Variants in SLC36A4 observed in about 807,000 individuals in gnomAD.
SLC36A4 encodes the protein solute carrier family 36 member 4, also known as neutral amino acid uniporter 4.
A neutral mutation model predicts 50.5 loss-of-function variants in SLC36A4; 49 were observed. The observed-to-expected ratio is 0.97, with a 90% CI of 0.77 to 1.23. The LOEUF (loss-of-function observed/expected upper bound fraction) is 1.23, where lower values mean the gene tolerates loss of function less well. Among genes scored for constraint, SLC36A4 ranks in the 50% most tolerant of loss-of-function variants. The pLI, the probability that SLC36A4 is intolerant of heterozygous loss-of-function variation, is 0.00. For missense variants in SLC36A4, 611 were observed against 608.4 expected, an observed-to-expected ratio of 1.00 and a Z score of -0.05; for synonymous variants, 207 against 206.5, an observed-to-expected ratio of 1.00 and a Z score of -0.02.
At chr11:93,153,888 T>A (rs1343920041) in intron 10 of SLC36A4, 1 of 255,480 alleles carries the variant, frequency 3.9e-6, no homozygotes, top group Non-Finnish European at 7.3e-6. Flanking sequence ...TCATTAGTTA[T>A]TTTAAGTGTG....
intron 4 of SLC36A4, chr11:93,182,348 T>C: frequency 2.4e-6 from 1 of 420,668 alleles, no homozygotes; most frequent in Non-Finnish European, 3.2e-6. Flanking sequence ...GATATTAGGC[T>C]ACTAGAATAC....
chr11:93,166,874 T>C (rs1860892997), intron 7 of SLC36A4: 1 of 152,198 alleles, frequency 6.6e-6, no homozygotes, highest in Non-Finnish European at 1.5e-5. Context: ...TGGTGATACA[T>C]GTCTAAAACC....
rs1861442527 is a variant in SLC36A4 at position 93,175,904 on chromosome 11, C to T, written c.540+4893G>A. On this transcript the variant is annotated intron_variant, in intron 6 of 10. Coordinates refer to ENST00000326402, the MANE Select transcript of SLC36A4 (RefSeq NM_152313.4). Reference sequence around the variant, plus strand: ...ATTTTGGAATAGGTGTGGTGTGGTGCTGAAAAAAATGTATATTCTGTTGAT... The same window carrying T: ...ATTTTGGAATAGGTGTGGTGTGGTGTTGAAAAAAATGTATATTCTGTTGAT... Among the ~76,000 whole-genome samples, 10 of 113,740 alleles carry T rather than the reference C, an allele frequency of 8.8e-5. No homozygotes were observed. The South Asian group carries it at 4.2e-3, about 47-fold the overall frequency. 74.6% of individuals were successfully genotyped at this position (113,740 alleles called of 152,430 possible).
At chr11:93,189,766 C>T (rs1222731467) in intron 1 of SLC36A4, among the ~76,000 whole-genome samples, 1 of 152,142 alleles carries the variant, frequency 6.6e-6, no homozygotes, top group Non-Finnish European at 1.5e-5. Context: ...CCCAAGAGAT[C>T]ACAGCAGTAA....
rs936031173 is a variant in SLC36A4 at position 93,144,491 on chromosome 11, T to G, written c.*4046A>C. On this transcript the variant is annotated 3_prime_UTR_variant, in exon 11 of 11. Coordinates refer to ENST00000326402, the MANE Select transcript of SLC36A4 (RefSeq NM_152313.4). ...TTAGTATCTAGTTCACATAGATTAC[T>G]GATTTGTGTGTGTGTCTGCATATAC... 2 of 152,078 alleles carry G rather than the reference T, an allele frequency of 1.3e-5. No homozygotes were observed. Among genetic ancestry groups the G allele is most frequent in the African/African-American group, 4.8e-5 (2 of 41,442 alleles). 9.4% of individuals were successfully genotyped at this position (152,078 alleles called of 1,614,324 possible). A position where few individuals can be genotyped will look rare whatever the true frequency, so the allele number is the denominator to read the frequency against.
At position 93,147,065 on chromosome 11, in the gene SLC36A4, AC is replaced by A. The variant is rs1859864492; in HGVS notation, c.*1471del. Reference sequence around the variant, plus strand: ...CAGTCATAGCTTACCACAGCCTGAAACTTTTGTGCTCGAGGGATCCTCCTGC... The same window carrying A: ...CAGTCATAGCTTACCACAGCCTGAAATTTTGTGCTCGAGGGATCCTCCTGC... On this transcript the variant is annotated 3_prime_UTR_variant, in exon 11 of 11. Transcript: ENST00000326402. 2.0e-5 allele frequency: 3 copies of A among 152,180 alleles called. No individual in the cohort carries two copies. Among genetic ancestry groups the A allele is most frequent in the South Asian group, 4.1e-4 (2 of 4,822 alleles). 9.4% of individuals were successfully genotyped at this position (152,180 alleles called of 1,614,324 possible).
chr11:93,170,448 A>T (rs1861079610), intron 6 of SLC36A4, among the ~76,000 whole-genome samples: 1 of 152,046 alleles, frequency 6.6e-6, no homozygotes, highest in Non-Finnish European at 1.5e-5. Flanking sequence ...ACCTTTTGTC[A>T]GCTGAGCCTC....
intron 10 of SLC36A4, 72 bp from the exon 11 acceptor site, chr11:93,148,916 TTTTCAATAC>T: frequency 3.9e-6 from 5 of 1,274,900 alleles, no homozygotes; most frequent in Non-Finnish European, 5.5e-6. Context: ...ACAGTAAGTA[TTTTCAATAC>T]TGAAAGTAAT....
intron 1 of SLC36A4, among the ~76,000 whole-genome samples, chr11:93,194,047 C>T (rs562742598): frequency 6.6e-6 from 1 of 151,944 alleles, no homozygotes; most frequent in Non-Finnish European, 1.5e-5. Flanking sequence ...AAAAGTGTAT[C>T]ATATGCTAAG....
chr11:93,197,655 C>CAG, intron 1 of SLC36A4, 123 bp downstream of exon 1: 1 of 1,055,426 alleles, frequency 9.5e-7, no homozygotes, highest in South Asian at 1.4e-5. Context: ...ACCACGGGGT[C>CAG]AGTTAGCAAT....
chr11:93,144,366 A>G lies in SLC36A4; in HGVS notation c.*4171T>C, dbSNP rs1226497322. ...CTGAATTTATTCAGGGTGTAAACAT[A>G]TATTTTCCTATTTGTTATCAAGAAA... On this transcript the variant is annotated 3_prime_UTR_variant, in exon 11 of 11. Coordinates refer to ENST00000326402, the MANE Select transcript of SLC36A4 (RefSeq NM_152313.4). 1 of 152,074 alleles carries G rather than the reference A, an allele frequency of 6.6e-6. No homozygotes were observed. The highest frequency in any genetic ancestry group is 6.6e-5 in the Admixed American group (1 of 15,246). 9.4% of individuals were successfully genotyped at this position (152,074 alleles called of 1,614,324 possible). A position where few individuals can be genotyped will look rare whatever the true frequency, so the allele number is the denominator to read the frequency against.
chr11:93,191,786 TAAGG>T (rs1287254420), intron 1 of SLC36A4, among the ~76,000 whole-genome samples: 1 of 152,126 alleles, frequency 6.6e-6, no homozygotes, highest in Non-Finnish European at 1.5e-5. Flanking sequence ...GCGAACACAT[TAAGG>T]AAGCTGATGC....
In SLC36A4 at chr11:93,194,948, C is replaced by T. The variant is rs531945849; in HGVS notation, c.55+2830G>A. On this transcript the variant is annotated intron_variant, in intron 1 of 10. Transcript: ENST00000326402. ...ACCAGCAAGCCTGCTATTCCTGCAACTTTACCCATTTGTATTAGTTATCTA... is the reference window on the plus strand; with the variant it reads ...ACCAGCAAGCCTGCTATTCCTGCAATTTTACCCATTTGTATTAGTTATCTA... Among the ~76,000 whole-genome samples, 10 of 152,238 alleles carry T rather than the reference C, an allele frequency of 6.6e-5. No individual in the cohort carries two copies. In the South Asian group the frequency reaches 2.1e-3, roughly 32 times the overall value.
intron 2 of SLC36A4, 27 bp from the exon 3 acceptor site, chr11:93,184,547 A>C (rs751475199): frequency 1.5e-6 from 2 of 1,292,882 alleles, no homozygotes; most frequent in Non-Finnish European, 2.2e-6. Context: ...GTAAGACTTA[A>C]ATATTTTAGA....
intron 7 of SLC36A4, chr11:93,166,399 C>G (rs1420572699): frequency 2.0e-6 from 2 of 992,240 alleles, no homozygotes; most frequent in South Asian, 4.6e-5. Flanking sequence ...TGGTGCCTAG[C>G]AGAAATTCAT....
intron 9 of SLC36A4, chr11:93,160,811 T>C (rs1308229864): frequency 1.1e-6 from 1 of 898,976 alleles, no homozygotes; most frequent in Admixed American, 6.2e-5. Flanking sequence ...TCTGAAATGA[T>C]TATTTTTAAG....
intron 10 of SLC36A4, among the ~76,000 whole-genome samples, chr11:93,149,163 T>G (rs917917902): frequency 3.3e-5 from 5 of 152,082 alleles, no homozygotes; most frequent in Non-Finnish European, 7.4e-5. Context: ...TGCATTACTT[T>G]GTCTGCCCAT....
chr11:93,151,323 CA>C (rs1280299693), intron 10 of SLC36A4, among the ~76,000 whole-genome samples: 1 of 151,660 alleles, frequency 6.6e-6, no homozygotes. Context: ...CAGTATTTAC[CA>C]AAACTATATA....
rs1220215277 is a variant in SLC36A4 at position 93,145,501 on chromosome 11, A to C, written c.*3036T>G. 1.3e-5 allele frequency: 2 copies of C among 152,096 alleles called. No individual in the cohort carries two copies. Among genetic ancestry groups the C allele is most frequent in the South Asian group, 2.1e-4 (1 of 4,834 alleles). 9.4% of individuals were successfully genotyped at this position (152,096 alleles called of 1,614,324 possible). On this transcript the variant is annotated 3_prime_UTR_variant, in exon 11 of 11. Transcript: ENST00000326402. The stretch of plus-strand genomic sequence containing the variant: ...GGGAAAAGAAGTCCCTCTGAAAAAA[A>C]CGTCTGAGAACCAGTGTTTTGACAA...
Sources: gnomAD v4.1 joint callset for allele counts (sites outside exome capture counted in the v4.1 genomes callset) on GRCh38, gnomAD v4.1.1 for gene constraint, MANE v1.5 for transcripts, NCBI Gene and HGNC (gene_info 2026-07-23, HGNC 2026-07-21) for gene names.